ZNF277: variants seen among roughly 807,000 people sequenced by gnomAD.
The protein encoded by ZNF277 is nuclear receptor-interacting factor 4.
ZNF277 carries 55 observed loss-of-function variants against 60.7 expected under a neutral mutation model. The ratio of observed to expected loss-of-function variants is 0.91; its 90% CI spans 0.73 to 1.13. ZNF277 has a LOEUF of 1.13. Ranked by LOEUF, ZNF277 falls within the 50% of genes most tolerant of loss-of-function variation. The pLI is 0.00. For synonymous variants in ZNF277, 178 were observed against 179.3 expected, an observed-to-expected ratio of 0.99 and a Z score of 0.06; for missense variants, 510 against 523.0, an observed-to-expected ratio of 0.98 and a Z score of 0.24.
intron 1 of ZNF277, among the ~76,000 whole-genome samples, chr7:112,225,111 G>A (rs1473740837): frequency 6.6e-6 from 1 of 152,184 alleles, no homozygotes. Context: ...GTTGAGGTTT[G>A]GTTTCAAGAA....
intron 1 of ZNF277, among the ~76,000 whole-genome samples, chr7:112,220,772 G>T (rs1445069740): frequency 6.6e-6 from 1 of 152,164 alleles, no homozygotes; most frequent in Non-Finnish European, 1.5e-5. Flanking sequence ...CAATCAGGTA[G>T]TAAAGAGAGC....
chr7:112,277,723 A>G (rs1791841544), intron 1 of ZNF277, among the ~76,000 whole-genome samples: 1 of 152,228 alleles, frequency 6.6e-6, no homozygotes, highest in Admixed American at 6.5e-5. Context: ...ACAGAAAGTT[A>G]TGTTGAGCAG....
chr7:112,342,785 C>G lies in ZNF277; in HGVS notation c.*56C>G. 7.5e-7 allele frequency: 1 copy of G among 1,337,124 alleles called. No individual in the cohort carries two copies. Among genetic ancestry groups the G allele is most frequent in the South Asian group, 1.9e-5 (1 of 52,612 alleles). The allele number at this position is 1,337,124 out of a possible 1,614,324, so 82.8% of individuals were successfully genotyped here. A position where few individuals can be genotyped will look rare whatever the true frequency, so the allele number is the denominator to read the frequency against. On this transcript the variant is annotated 3_prime_UTR_variant, in exon 12 of 12. Transcript: ENST00000361822. Reference sequence around the variant, plus strand: ...CAGAAGCAATTTTTCATGTTTTTCTCCTATGAGACAGATATGAAAGAACAA... The same window carrying G: ...CAGAAGCAATTTTTCATGTTTTTCTGCTATGAGACAGATATGAAAGAACAA...
chr7:112,331,996 A>T (rs1338370972), intron 7 of ZNF277, among the ~76,000 whole-genome samples: 1 of 152,188 alleles, frequency 6.6e-6, no homozygotes, highest in Non-Finnish European at 1.5e-5. Context: ...GAAAAGTATG[A>T]TACTTCATTT....
At chr7:112,240,642 A>G (rs991107198) in intron 1 of ZNF277, among the ~76,000 whole-genome samples, 7 of 152,118 alleles carry the variant, frequency 4.6e-5, no homozygotes, top group Non-Finnish European at 1.0e-4. Flanking sequence ...AACAGAATGA[A>G]ACAGAATAGA....
At chr7:112,296,384 T>G (rs1202205436) in intron 4 of ZNF277, 73 bp downstream of exon 4, 9 of 757,084 alleles carry the variant, frequency 1.2e-5, no homozygotes, top group Non-Finnish European at 1.4e-5. Flanking sequence ...ATATTGGTTT[T>G]TTTTTTTTTT....
At chr7:112,217,647 GC>G (rs1821920668) in intron 1 of ZNF277, among the ~76,000 whole-genome samples, 3 of 152,300 alleles carry the variant, frequency 2.0e-5, no homozygotes, top group Admixed American at 2.0e-4. Flanking sequence ...AGAGATAACA[GC>G]CCTTTCCCAA....
chr7:112,335,573 G>A (rs1399485189), intron 7 of ZNF277, among the ~76,000 whole-genome samples: 2 of 152,092 alleles, frequency 1.3e-5, no homozygotes, highest in Non-Finnish European at 2.9e-5. Context: ...TTTATAGACA[G>A]TAACTCATTC....
intron 4 of ZNF277, among the ~76,000 whole-genome samples, chr7:112,297,188 A>G (rs964231878): frequency 6.6e-6 from 1 of 151,656 alleles, no homozygotes; most frequent in African/African-American, 2.4e-5. Context: ...CAGTCTCCCA[A>G]AGTGCTGAGA....
rs1265895247 is a variant in ZNF277, at chr7:112,308,975, T to C, written c.466-9207T>C. Among the ~76,000 whole-genome samples the C allele has an allele frequency of 2.0e-5, 3 of 152,060 alleles. No homozygotes were observed. In the East Asian group the frequency reaches 5.8e-4, roughly 29 times the overall value. On this transcript the variant is annotated intron_variant, in intron 4 of 11. Coordinates refer to ENST00000361822, the MANE Select transcript of ZNF277 (RefSeq NM_021994.3). ...ACTGGAGAGGACTTAGCAATATCTA[T>C]TTGTTCAGATTCTTCTGTTTATCTT...
intron 1 of ZNF277, among the ~76,000 whole-genome samples, chr7:112,226,723 G>T (rs1229466194): frequency 6.6e-6 from 1 of 151,986 alleles, no homozygotes; most frequent in Non-Finnish European, 1.5e-5. Flanking sequence ...TAGGTTAGTT[G>T]GATTTTTTTA....
chr7:112,321,211 G>T (rs555964786), intron 5 of ZNF277, among the ~76,000 whole-genome samples: 1 of 151,732 alleles, frequency 6.6e-6, no homozygotes, highest in African/African-American at 2.4e-5. Flanking sequence ...GTGAGCCACC[G>T]CACCCGGCTC....
At chr7:112,301,488 A>C (rs1457772809) in intron 4 of ZNF277, among the ~76,000 whole-genome samples, 1 of 152,206 alleles carries the variant, frequency 6.6e-6, no homozygotes, top group East Asian at 1.9e-4. Context: ...GCAGTGGATA[A>C]AACAGGCAAT....
At chr7:112,239,412 G>A (rs749976820) in intron 1 of ZNF277, among the ~76,000 whole-genome samples, 2 of 152,140 alleles carry the variant, frequency 1.3e-5, no homozygotes, top group Non-Finnish European at 2.9e-5. Context: ...AGTTGCCACA[G>A]GCCTCTGGTG....
Position 112,286,909 on chromosome 7 carries a change from C to A in ZNF277, c.128C>A (p.Pro43Gln), listed in dbSNP as rs771514765. The stretch of plus-strand genomic sequence containing the variant: ...TGTATCCTGGAGCCGCTTTCCCTGC[C>A]AGAAAGTCCAGGTGGCACCACCACT... Reference protein sequence around the residue: ...KDCILEPLSLPESPGGTTTLE... With the variant: ...KDCILEPLSLQESPGGTTTLE... Residue 43 changes from proline (P) to glutamine (Q), a missense_variant, in exon 2 of 12, where the codon CCA (proline) becomes CAA (glutamine). Coordinates refer to ENST00000361822, the MANE Select transcript of ZNF277 (RefSeq NM_021994.3). 3.8e-6 allele frequency: 6 copies of A among 1,578,302 alleles called. No homozygotes were observed. The East Asian group carries it at 9.3e-5, about 25-fold the overall frequency.
At chr7:112,331,410 G>A (rs969281935) in intron 7 of ZNF277, among the ~76,000 whole-genome samples, 2 of 152,132 alleles carry the variant, frequency 1.3e-5, no homozygotes, top group Non-Finnish European at 2.9e-5. Context: ...TTAAGCAAAT[G>A]GAATTTTTTT....
chr7:112,331,157 C>G (rs1028755265), intron 7 of ZNF277, among the ~76,000 whole-genome samples: 2 of 152,116 alleles, frequency 1.3e-5, no homozygotes, highest in African/African-American at 4.8e-5. Flanking sequence ...GTATTGATAG[C>G]TCTCCTTTCC....
At chr7:112,229,223 G>A (rs1822258321) in intron 1 of ZNF277, among the ~76,000 whole-genome samples, 1 of 152,196 alleles carries the variant, frequency 6.6e-6, no homozygotes, top group Non-Finnish European at 1.5e-5. Flanking sequence ...GAACATGTTT[G>A]TTTGAAAGAA....
intron 1 of ZNF277, among the ~76,000 whole-genome samples, chr7:112,252,862 A>T (rs1791228675): frequency 6.6e-6 from 1 of 152,188 alleles, no homozygotes; most frequent in Non-Finnish European, 1.5e-5. Flanking sequence ...TAAACAAAGA[A>T]ACAAACCAAA....
Sources: gnomAD v4.1 joint callset for allele counts (sites outside exome capture counted in the v4.1 genomes callset) on GRCh38, gnomAD v4.1.1 for gene constraint, MANE v1.5 for transcripts, NCBI Gene and HGNC (gene_info 2026-07-23, HGNC 2026-07-21) for gene names.